The following FRY variants were observed in gnomAD, a reference collection of about 807,000 sequenced individuals.
FRY encodes protein furry homolog.
In FRY, 128 loss-of-function variants were observed where a neutral mutation model predicts 348.4. The ratio of observed to expected loss-of-function variants is 0.37; its 90% confidence interval spans 0.32 to 0.43. The LOEUF (loss-of-function observed/expected upper bound fraction) is 0.43. Ranked by LOEUF, FRY falls within the 20% of genes least tolerant of loss-of-function variation. The pLI, the probability that FRY is intolerant of heterozygous loss-of-function variation, is 1.00. For synonymous variants in FRY, 1,370 were observed against 1,374.7 expected (o/e 1.00, Z 0.08); for missense variants, 2,736 against 3,695.2 (o/e 0.74, Z 6.73).
rs757973675 is a variant in FRY at position 32,225,836 on chromosome 13, C to T, written c.5068C>T (p.Leu1690Phe). The change falls in exon 39 of 61, where the codon CTT becomes TTT. Residue 1690 changes from leucine to phenylalanine, a missense_variant. Leu to Phe is a conservative substitution (Grantham distance 22). Coordinates refer to ENST00000542859, the MANE Select transcript of FRY (RefSeq NM_023037.3). ...PEVFEHSKKLLLHLLIALSCN... is the reference protein window; with the variant it reads ...PEVFEHSKKLFLHLLIALSCN... ...AGTCTTTGAACACAGCAAAAAACTG[C>T]TTCTTCACCTCTTGATTGCCCTCTC... The T allele has an allele frequency of 6.2e-7, 1 of 1,614,100 alleles. No individual in the cohort carries two copies. The highest frequency in any genetic ancestry group is 8.5e-7 in the Non-Finnish European group (1 of 1,179,956).
chr13:32,264,803 A>AAT lies in FRY; in HGVS notation c.7780-646_7780-645insTA, dbSNP rs574118708. 3.5e-4 allele frequency among the ~76,000 whole-genome samples: 53 copies of AAT among 152,356 alleles called. 1 individual carries two copies. In the South Asian group the frequency reaches 0.011, roughly 30 times the overall value. On this transcript the variant is annotated intron_variant, in intron 53 of 60. Transcript: ENST00000542859. Reference sequence around the variant, plus strand: ...ATTCTCAAGGGTAAAGCATACATGCAAATGGATCTTAGAGGATCCCCTATA... The same window carrying AAT: ...ATTCTCAAGGGTAAAGCATACATGCAATAATGGATCTTAGAGGATCCCCTATA...
intron 3 of FRY, among the ~76,000 whole-genome samples, chr13:32,104,724 A>G (rs1199141134): frequency 2.0e-5 from 3 of 152,136 alleles, no homozygotes; most frequent in East Asian, 3.9e-4. Context: ...CCCACATGTC[A>G]TGGGAGGGAC....
intron 3 of FRY, among the ~76,000 whole-genome samples, chr13:32,106,244 A>G (rs1877542227): frequency 6.6e-6 from 1 of 150,486 alleles, no homozygotes; most frequent in African/African-American, 2.4e-5. Flanking sequence ...TAATATAGAG[A>G]TGATAATAAT....
chr13:32,273,632 C>T, intron 55 of FRY, among the ~76,000 whole-genome samples: 1 of 152,164 alleles, frequency 6.6e-6, no homozygotes, highest in East Asian at 1.9e-4. Flanking sequence ...CAGACGTGCC[C>T]TCAGAGCAAG....
chr13:32,261,237 C>A (rs1039862136), intron 51 of FRY, among the ~76,000 whole-genome samples: 15 of 152,140 alleles, frequency 9.9e-5, no homozygotes, highest in African/African-American at 2.9e-4. Flanking sequence ...AAACAGGGGC[C>A]GACCTCAGGG....
At chr13:32,182,906 A>T (rs761203602) in intron 23 of FRY, 71 bp from the exon 24 acceptor site, 66 of 912,480 alleles carry the variant, frequency 7.2e-5, no homozygotes, top group Non-Finnish European at 1.1e-4. Flanking sequence ...GATTAAATGG[A>T]TATAGAGTAT....
At chr13:32,283,681 A>T (rs206089) in intron 58 of FRY, among the ~76,000 whole-genome samples, 42,615 of 152,120 alleles carry the variant, frequency 0.28, 6,185 homozygotes, top group Middle Eastern at 0.31. Flanking sequence ...CAGCCATTAT[A>T]AGTCAATGAT....
In FRY at chr13:32,239,478, A is replaced by T; in HGVS notation, c.6516+129A>T. 1.3e-6 allele frequency: 1 copy of T among 744,144 alleles called. No homozygotes were observed. The highest frequency in any genetic ancestry group is 2.6e-5 in the East Asian group (1 of 38,286). 46.1% of individuals were successfully genotyped at this position (744,144 alleles called of 1,614,324 possible). On this transcript the variant is annotated intron_variant, in intron 45 of 60. Transcript: ENST00000542859. The surrounding 1 kb of genome is among the most constrained non-coding windows in gnomAD (Gnocchi z 4.3). ...AACTGGAAATAATAACTAATATCAC[A>T]GTAATGGAAATATAGGGGTGGCTGA...
intron 1 of FRY, among the ~76,000 whole-genome samples, chr13:32,060,517 G>T (rs1382238209): frequency 4.6e-5 from 7 of 152,182 alleles, no homozygotes; most frequent in Non-Finnish European, 8.8e-5. Context: ...TCTGCTGTTG[G>T]TTTTGTCTGT....
intron 1 of FRY, among the ~76,000 whole-genome samples, chr13:32,040,754 GT>G (rs909195892): frequency 2.6e-5 from 4 of 151,422 alleles, no homozygotes; most frequent in South Asian, 2.1e-4. Flanking sequence ...ACACAGGCAT[GT>G]TTTTTTTTCT....
chr13:32,271,075 G>C (rs932055805), intron 55 of FRY, among the ~76,000 whole-genome samples: 3 of 152,216 alleles, frequency 2.0e-5, no homozygotes, highest in Non-Finnish European at 4.4e-5. Context: ...GAGGAAGGCA[G>C]AAGGGAGGCT....
At position 32,209,089 on chromosome 13, in the gene FRY, C is replaced by T. The variant is rs2138352695; in HGVS notation, c.4255C>T (p.Leu1419Phe). The T allele has an allele frequency of 1.2e-6, 2 of 1,614,054 alleles. No homozygotes were observed. Among genetic ancestry groups the T allele is most frequent in the Non-Finnish European group, 1.7e-6 (2 of 1,180,034 alleles). ...PEATSLVLNN[L>F]MYMTAKYGDE... The stretch of plus-strand genomic sequence containing the variant: ...AGCCACGTCACTGGTCCTGAACAAC[C>T]TCATGTACATGACGGCCAAGGTAAA... Residue 1419 changes from leucine (L) to phenylalanine (F), a missense_variant, in exon 32 of 61, where the codon CTC (leucine) becomes TTC (phenylalanine). Coordinates refer to ENST00000542859, the MANE Select transcript of FRY (RefSeq NM_023037.3).
At chr13:32,159,107 G>T (rs1593680103) in intron 16 of FRY, among the ~76,000 whole-genome samples, 2 of 151,956 alleles carry the variant, frequency 1.3e-5, no homozygotes, top group African/African-American at 2.4e-5. Context: ...TTTAATCAAT[G>T]TTCAAACTTT....
chr13:32,050,820 G>A (rs1020239954), intron 1 of FRY, among the ~76,000 whole-genome samples: 9 of 152,184 alleles, frequency 5.9e-5, no homozygotes, highest in African/African-American at 2.2e-4. Context: ...AGACAGAGGT[G>A]CACCTAACTC....
intron 49 of FRY, among the ~76,000 whole-genome samples, chr13:32,251,468 C>G (rs150350680): frequency 6.6e-6 from 1 of 152,170 alleles, no homozygotes; most frequent in East Asian, 1.9e-4. Context: ...AAAAGATTAT[C>G]AAAGGAAGTG....
chr13:32,072,263 G>T (rs1306006150), intron 1 of FRY, among the ~76,000 whole-genome samples: 1 of 152,172 alleles, frequency 6.6e-6, no homozygotes, highest in Non-Finnish European at 1.5e-5. Flanking sequence ...AAATTAATCA[G>T]AAATTAATTA....
Position 32,161,137 on chromosome 13 carries a change from A to T in FRY, c.1785-7A>T. On this transcript the variant is annotated splice_polypyrimidine_tract_variant and splice_region_variant and intron_variant, in intron 16 of 60. Coordinates refer to ENST00000542859, the MANE Select transcript of FRY (RefSeq NM_023037.3). ...ACCTATTTTAAAATTTTGTCTTCTA[A>T]TTCTAGGGGTGAGAGAAAGCCAAAA... The T allele has an allele frequency of 1.9e-6, 3 of 1,578,662 alleles. No homozygotes were observed. The highest frequency in any genetic ancestry group is 2.6e-6 in the Non-Finnish European group (3 of 1,147,854).
intron 10 of FRY, 70 bp downstream of exon 10, chr13:32,135,253 G>T: frequency 1.0e-6 from 1 of 957,448 alleles, no homozygotes; most frequent in Non-Finnish European, 1.7e-6. Context: ...ACAGGAATCT[G>T]TTTGAGGATC....
At chr13:32,210,827 C>T in intron 33 of FRY, 39 bp from the exon 34 acceptor site, 1 of 1,573,358 alleles carries the variant, frequency 6.4e-7, no homozygotes, top group Admixed American at 1.7e-5. Context: ...GTGGACTAGG[C>T]TCTGTGAAAC....
Sources: gnomAD v4.1 joint callset for allele counts (sites outside exome capture counted in the v4.1 genomes callset) on GRCh38, gnomAD v4.1.1 for gene constraint, Gnocchi (gnomAD v3.1) non-coding constraint, MANE v1.5 for transcripts, NCBI Gene and HGNC (gene_info 2026-07-23, HGNC 2026-07-21) for gene names.